The following CDH12 variants were observed in gnomAD, a reference collection of about 807,000 sequenced individuals.
The protein encoded by CDH12 is cadherin 12.
Under a neutral mutation model 74.1 loss-of-function variants are expected in CDH12, and 41 were observed. The observed-to-expected ratio is 0.55, with a 90% CI of 0.43 to 0.72. CDH12 has a LOEUF of 0.72. CDH12 is among the 30% of genes least tolerant of loss of function. The pLI is 0.00. For missense variants in CDH12, 945 were observed against 977.2 expected, an observed-to-expected ratio of 0.97 and a Z score of 0.44; for synonymous variants, 399 against 355.0, an observed-to-expected ratio of 1.12 and a Z score of -1.39.
intron 5 of CDH12, among the ~76,000 whole-genome samples, chr5:22,061,378 A>G (rs1396018271): frequency 6.6e-6 from 1 of 152,132 alleles, no homozygotes; most frequent in East Asian, 1.9e-4. Flanking sequence ...AGGAAAGAGG[A>G]ATGTTTCTCT....
chr5:21,944,606 A>G (rs1755486074), intron 6 of CDH12, among the ~76,000 whole-genome samples: 1 of 152,222 alleles, frequency 6.6e-6, no homozygotes, highest in Admixed American at 6.5e-5. Flanking sequence ...CACGAGAATA[A>G]GTACTATAAA....
intron 1 of CDH12, among the ~76,000 whole-genome samples, chr5:22,719,023 T>C (rs115368801): frequency 0.018 from 2,748 of 152,018 alleles, 89 homozygotes; most frequent in African/African-American, 0.064. Flanking sequence ...TAGTGAATTA[T>C]CCCACCCGAT....
At chr5:21,888,109 T>C (rs531290195) in intron 6 of CDH12, among the ~76,000 whole-genome samples, 1 of 152,128 alleles carries the variant, frequency 6.6e-6, no homozygotes, top group African/African-American at 2.4e-5. Flanking sequence ...GGTAGTAACA[T>C]GCAGGCAAAA....
At chr5:22,503,655 C>A (rs1246194249) in intron 2 of CDH12, among the ~76,000 whole-genome samples, 3 of 152,058 alleles carry the variant, frequency 2.0e-5, no homozygotes, top group Admixed American at 1.3e-4. Context: ...TTAATCCTTT[C>A]TCAAATTATT....
intron 2 of CDH12, among the ~76,000 whole-genome samples, chr5:22,486,749 G>T (rs112947374): frequency 2.6e-5 from 4 of 151,924 alleles, no homozygotes; most frequent in Non-Finnish European, 5.9e-5. Flanking sequence ...CACTGTGCCC[G>T]GCCAGTAACT....
intron 7 of CDH12, among the ~76,000 whole-genome samples, chr5:21,848,886 C>T (rs866375086): frequency 2.0e-5 from 3 of 151,720 alleles, no homozygotes; most frequent in South Asian, 2.1e-4. Flanking sequence ...ATGAGCTCCC[C>T]CTACTAGATA....
chr5:21,890,524 T>C (rs950981087), intron 6 of CDH12, among the ~76,000 whole-genome samples: 4 of 152,152 alleles, frequency 2.6e-5, no homozygotes, highest in African/African-American at 7.2e-5. Flanking sequence ...GTATTTCTCA[T>C]GTGATTTCAC....
At chr5:22,355,608 C>T (rs1740534287) in intron 3 of CDH12, among the ~76,000 whole-genome samples, 1 of 151,336 alleles carries the variant, frequency 6.6e-6, no homozygotes, top group Non-Finnish European at 1.5e-5. Flanking sequence ...CCTGGCTTTC[C>T]TATGTAAAAG....
intron 10 of CDH12, among the ~76,000 whole-genome samples, chr5:21,792,579 G>T (rs1746557571): frequency 1.4e-5 from 2 of 143,448 alleles, no homozygotes; most frequent in South Asian, 2.2e-4. Context: ...CCTCCAAGTT[G>T]CTTAAGCTTT....
At chr5:21,882,629 T>A in intron 6 of CDH12, 2 of 1,606,386 alleles carry the variant, frequency 1.2e-6, no homozygotes, top group East Asian at 2.2e-5. Context: ...GAGACCAGTG[T>A]CCAGGGTACT....
chr5:22,497,132 T>C (rs1349582743), intron 2 of CDH12, among the ~76,000 whole-genome samples: 1 of 152,180 alleles, frequency 6.6e-6, no homozygotes, highest in Non-Finnish European at 1.5e-5. Flanking sequence ...AATCATAGAA[T>C]AACGCCTGAC....
Position 22,495,308 on chromosome 5 carries a change from T to C in CDH12, c.-428+9962A>G, listed in dbSNP as rs574326693. Among the ~76,000 whole-genome samples, 36 of 152,322 alleles carry C rather than the reference T, an allele frequency of 2.4e-4. 1 individual carries two copies. The South Asian group carries it at 4.1e-3, about 18-fold the overall frequency. ...TACCACTCTTCACAGAAACATTCCT[T>C]AAAGATGTTCATTGAGAATTTTTGA... On this transcript the variant is annotated intron_variant, in intron 2 of 14. Coordinates refer to ENST00000382254, the MANE Select transcript of CDH12 (RefSeq NM_004061.5).
At chr5:21,910,868 G>C (rs773607413) in intron 6 of CDH12, among the ~76,000 whole-genome samples, 6 of 151,956 alleles carry the variant, frequency 3.9e-5, no homozygotes, top group Non-Finnish European at 8.8e-5. Flanking sequence ...TCTTCCAGAG[G>C]ACTCAATAAC....
chr5:21,903,795 GAAGGT>G (rs1311047710), intron 6 of CDH12, among the ~76,000 whole-genome samples: 13 of 152,156 alleles, frequency 8.5e-5, no homozygotes, highest in African/African-American at 3.1e-4. Context: ...AAATCTTCAA[GAAGGT>G]AAGGTAAGAA....
intron 3 of CDH12, among the ~76,000 whole-genome samples, chr5:22,378,884 G>A (rs1343301907): frequency 6.6e-6 from 1 of 151,990 alleles, no homozygotes; most frequent in Non-Finnish European, 1.5e-5. Context: ...ATATGCCTAT[G>A]GCTTGATGAA....
At chr5:22,010,258 T>C (rs1339185030) in intron 5 of CDH12, among the ~76,000 whole-genome samples, 2 of 152,186 alleles carry the variant, frequency 1.3e-5, no homozygotes, top group Non-Finnish European at 2.9e-5. Context: ...AATTAATGGA[T>C]TGTAAAATTT....
chr5:22,063,166 T>C (rs989340660), intron 5 of CDH12, among the ~76,000 whole-genome samples: 2 of 152,194 alleles, frequency 1.3e-5, no homozygotes, highest in African/African-American at 4.8e-5. Context: ...AGTGTAACTA[T>C]CGTGCTACTT....
At chr5:22,120,739 G>A (rs568615412) in intron 4 of CDH12, among the ~76,000 whole-genome samples, 33 of 152,112 alleles carry the variant, frequency 2.2e-4, no homozygotes, top group Non-Finnish European at 4.3e-4. Context: ...TCACTGGATT[G>A]AGACTAATGA....
At chr5:22,330,518 C>G (rs1261270488) in intron 3 of CDH12, among the ~76,000 whole-genome samples, 1 of 151,812 alleles carries the variant, frequency 6.6e-6, no homozygotes, top group Non-Finnish European at 1.5e-5. Context: ...TTTGGGAGGT[C>G]GAGGTGAGTG....
Sources: allele counts gnomAD v4.1 joint callset (sites outside exome capture counted in the v4.1 genomes callset), GRCh38; gene constraint gnomAD v4.1.1; transcripts MANE v1.5; gene names NCBI Gene and HGNC (gene_info 2026-07-23, HGNC 2026-07-21).